DGKB: variants seen among roughly 807,000 people sequenced by gnomAD.
DGKB encodes the protein 90 kDa diacylglycerol kinase.
In DGKB, 67 loss-of-function variants were observed where a neutral mutation model predicts 114.3. The observed-to-expected ratio is 0.59, with a 90% confidence interval of 0.48 to 0.72. The LOEUF (loss-of-function observed/expected upper bound fraction) is 0.72, where lower values mean the gene tolerates loss of function less well. Ranked by LOEUF, DGKB falls within the 30% of genes least tolerant of loss-of-function variation. The pLI is 0.00. For synonymous variants in DGKB, 398 were observed against 323.1 expected (o/e 1.23, Z -2.49); for missense variants, 907 against 975.2 (o/e 0.93, Z 0.93).
At chr7:14,331,048 T>G (rs1809635955) in intron 23 of DGKB, among the ~76,000 whole-genome samples, 1 of 152,074 alleles carries the variant, frequency 6.6e-6, no homozygotes. Context: ...GATGTAATCT[T>G]AAATTTAACA....
At chr7:14,694,952 C>T (rs1317862155) in intron 8 of DGKB, among the ~76,000 whole-genome samples, 4 of 152,042 alleles carry the variant, frequency 2.6e-5, no homozygotes, top group Non-Finnish European at 5.9e-5. Context: ...AAAGTACTTC[C>T]CATCTAATGG....
At chr7:14,437,025 C>G (rs902822106) in intron 21 of DGKB, among the ~76,000 whole-genome samples, 1 of 152,032 alleles carries the variant, frequency 6.6e-6, no homozygotes, top group Non-Finnish European at 1.5e-5. Flanking sequence ...ATTTTTTCCT[C>G]TTTCTTGGGT....
chr7:14,891,654 A>G (rs1436264457), intron 1 of DGKB, among the ~76,000 whole-genome samples: 1 of 151,462 alleles, frequency 6.6e-6, no homozygotes, highest in Non-Finnish European at 1.5e-5. Context: ...AACGTCATTG[A>G]GGATATTAAT....
rs73682522 is a variant in DGKB, at chr7:14,741,134, G to A, written c.169-4940C>T. Among the ~76,000 whole-genome samples the A allele has an allele frequency of 7.8e-3, 1,194 of 152,122 alleles. 7 individuals are homozygous for A. Among genetic ancestry groups the A allele is most frequent in the African/African-American group, 0.027 (1,127 of 41,494 alleles). ...CTCCATACTACAGGACACTCCTCTC[G>A]GATGCATCCTTCAAACTGTGAAAAG... is the stretch of plus-strand genomic sequence containing the variant. On this transcript the variant is annotated intron_variant, in intron 4 of 25. Coordinates refer to ENST00000402815, the MANE Select transcript of DGKB (RefSeq NM_001350709.2).
At chr7:14,671,936 A>G (rs1258572882) in intron 13 of DGKB, among the ~76,000 whole-genome samples, 1 of 152,118 alleles carries the variant, frequency 6.6e-6, no homozygotes, top group Non-Finnish European at 1.5e-5. Context: ...TAAACCTTAC[A>G]TGAAGAAAGG....
At chr7:14,424,402 T>C (rs905256280) in intron 21 of DGKB, among the ~76,000 whole-genome samples, 1 of 141,820 alleles carries the variant, frequency 7.1e-6, no homozygotes, top group African/African-American at 2.6e-5. Flanking sequence ...ATTTTCTTCA[T>C]CTTTTTTTTT....
chr7:14,666,274 C>T (rs1252736753), intron 13 of DGKB, among the ~76,000 whole-genome samples: 3 of 151,904 alleles, frequency 2.0e-5, no homozygotes, highest in Non-Finnish European at 4.4e-5. Flanking sequence ...ATTTTTAAAA[C>T]TCCCTTTCAA....
At chr7:14,467,264 T>C (rs1438737221) in intron 21 of DGKB, among the ~76,000 whole-genome samples, 1 of 150,042 alleles carries the variant, frequency 6.7e-6, no homozygotes, top group African/African-American at 2.4e-5. Context: ...TATATAAAAT[T>C]GCTAGAAATT....
At chr7:14,396,765 T>C (rs1456661163) in intron 21 of DGKB, among the ~76,000 whole-genome samples, 5 of 152,164 alleles carry the variant, frequency 3.3e-5, no homozygotes, top group Non-Finnish European at 7.3e-5. Context: ...CACCAAGCTC[T>C]CTTTTAGCTA....
chr7:14,459,669 C>T (rs533660601), intron 21 of DGKB, among the ~76,000 whole-genome samples: 5 of 152,324 alleles, frequency 3.3e-5, no homozygotes, highest in African/African-American at 1.2e-4. Flanking sequence ...TTGAAAAACA[C>T]TCTTCAGGAT....
At chr7:14,638,870 T>C (rs560588026) in intron 13 of DGKB, among the ~76,000 whole-genome samples, 3 of 152,048 alleles carry the variant, frequency 2.0e-5, no homozygotes, top group African/African-American at 7.2e-5. Context: ...AACCCATCTC[T>C]ACTAAAAAAA....
intron 15 of DGKB, among the ~76,000 whole-genome samples, chr7:14,617,210 C>A (rs180672535): frequency 2.6e-4 from 39 of 151,694 alleles, no homozygotes; most frequent in Admixed American, 2.0e-3. Flanking sequence ...ATTGGTCTAC[C>A]TACTTGATAT....
At chr7:14,830,785 T>C (rs1846300254) in intron 2 of DGKB, among the ~76,000 whole-genome samples, 1 of 152,066 alleles carries the variant, frequency 6.6e-6, no homozygotes, top group Non-Finnish European at 1.5e-5. Flanking sequence ...AAGAAGTTAC[T>C]GCAGCTAGAT....
intron 1 of DGKB, among the ~76,000 whole-genome samples, chr7:14,898,374 G>A (rs1055433143): frequency 6.6e-6 from 1 of 151,986 alleles, no homozygotes; most frequent in African/African-American, 2.4e-5. Flanking sequence ...TAGACTGCCT[G>A]GGTTCAAACC....
chr7:14,724,474 C>T (rs1829722573), intron 5 of DGKB, among the ~76,000 whole-genome samples: 2 of 152,008 alleles, frequency 1.3e-5, no homozygotes, highest in African/African-American at 4.8e-5. Context: ...AGATACAGTC[C>T]CTGATATGAA....
intron 9 of DGKB, among the ~76,000 whole-genome samples, chr7:14,693,509 C>G (rs1046019898): frequency 1.3e-5 from 2 of 151,560 alleles, no homozygotes; most frequent in African/African-American, 4.8e-5. Flanking sequence ...AGAATAAGAA[C>G]CTGGCTCCTG....
chr7:14,747,948 C>T (rs1480095124), intron 4 of DGKB, among the ~76,000 whole-genome samples: 1 of 152,176 alleles, frequency 6.6e-6, no homozygotes, highest in Non-Finnish European at 1.5e-5. Flanking sequence ...AGATTCAAGG[C>T]ACATTTCTAT....
intron 1 of DGKB, among the ~76,000 whole-genome samples, chr7:14,928,509 A>G (rs987149910): frequency 6.6e-6 from 1 of 151,940 alleles, no homozygotes; most frequent in African/African-American, 2.4e-5. Context: ...TGATATACAC[A>G]TGCTATATTA....
intron 23 of DGKB, among the ~76,000 whole-genome samples, chr7:14,271,372 G>A (rs922944656): frequency 1.3e-5 from 2 of 152,130 alleles, no homozygotes; most frequent in Non-Finnish European, 2.9e-5. Flanking sequence ...TTAGACCAAA[G>A]CATCTTAAAG....
Sources: allele counts gnomAD v4.1 joint callset (sites outside exome capture counted in the v4.1 genomes callset), GRCh38; gene constraint gnomAD v4.1.1; transcripts MANE v1.5; gene names NCBI Gene and HGNC (gene_info 2026-07-23, HGNC 2026-07-21).